The following OR2L13 variants were observed in gnomAD, a reference collection of about 807,000 sequenced individuals.
OR2L13 encodes olfactory receptor 2L13.
In OR2L13, 14 loss-of-function variants were observed where a neutral mutation model predicts 15.3. The observed-to-expected ratio is 0.91, with a 90% CI of 0.60 to 1.43. The LOEUF (loss-of-function observed/expected upper bound fraction) is 1.43, where lower values mean the gene tolerates loss of function less well. Ranked by LOEUF, OR2L13 falls within the 40% of genes most tolerant of loss-of-function variation. The probability of loss-of-function intolerance (pLI) is 0.00; values close to 1 mark genes in which losing one functional copy is unlikely to be tolerated. For synonymous variants in OR2L13, 152 were observed against 142.9 expected (o/e 1.06, Z -0.45); for missense variants, 367 against 387.9 (o/e 0.95, Z 0.45).
At chr1:248,029,566 G>T in the OR2L13 span, among the ~76,000 whole-genome samples, 4 of 151,964 alleles carry the variant, frequency 2.6e-5, no homozygotes, top group Non-Finnish European at 2.9e-5. Context: ...CAAATACAAA[G>T]AACCAGTGTG....
the OR2L13 span, among the ~76,000 whole-genome samples, chr1:247,977,713 G>A: frequency 6.6e-6 from 1 of 152,140 alleles, no homozygotes; most frequent in South Asian, 2.1e-4. Flanking sequence ...CCTAACTACC[G>A]TTAATTGTTT....
chr1:248,004,449 C>CA, the OR2L13 span, among the ~76,000 whole-genome samples: 6 of 152,120 alleles, frequency 3.9e-5, no homozygotes, highest in African/African-American at 1.2e-4. Flanking sequence ...ATGTCTAAAA[C>CA]AAAAAAATAT....
At chr1:248,073,137 A>C in the OR2L13 span, among the ~76,000 whole-genome samples, 1 of 152,010 alleles carries the variant, frequency 6.6e-6, no homozygotes, top group Non-Finnish European at 1.5e-5. Flanking sequence ...TATATACCCA[A>C]AGGACTATAA....
the OR2L13 span, among the ~76,000 whole-genome samples, chr1:247,985,232 C>G: frequency 6.6e-6 from 1 of 152,066 alleles, no homozygotes; most frequent in Admixed American, 6.6e-5. Context: ...AGGTATATCT[C>G]CTAATGCCAT....
chr1:247,975,366 T>C, the OR2L13 span: 3 of 602,002 alleles, frequency 5.0e-6, no homozygotes, highest in Admixed American at 6.4e-5. Flanking sequence ...GTATTGCATG[T>C]TCCTATGGTG....
the OR2L13 span, chr1:247,990,992 C>T: frequency 3.3e-6 from 5 of 1,513,392 alleles, no homozygotes; most frequent in African/African-American, 1.4e-5. Context: ...ACCTGCAGCA[C>T]CCACCTCACT....
At chr1:247,986,137 G>T in the OR2L13 span, among the ~76,000 whole-genome samples, 20 of 152,070 alleles carry the variant, frequency 1.3e-4, no homozygotes, top group East Asian at 5.8e-4. Context: ...GTCAATTTTG[G>T]CTTTTGTTGC....
At chr1:247,977,853 A>G in the OR2L13 span, among the ~76,000 whole-genome samples, 1 of 152,192 alleles carries the variant, frequency 6.6e-6, no homozygotes, top group Admixed American at 6.5e-5. Flanking sequence ...GACTCAGTGC[A>G]GGATGCAGCA....
chr1:247,985,355 C>T, the OR2L13 span, among the ~76,000 whole-genome samples: 23 of 151,898 alleles, frequency 1.5e-4, 1 homozygote, highest in Middle Eastern at 3.4e-3. Flanking sequence ...TGAGAACATG[C>T]GGTGTTTGGT....
At chr1:247,985,795 C>T in the OR2L13 span, among the ~76,000 whole-genome samples, 5,667 of 151,264 alleles carry the variant, frequency 0.037, 349 homozygotes, top group African/African-American at 0.13. Flanking sequence ...TTTTAATGAT[C>T]GCCATTCTAA....
the OR2L13 span, chr1:247,965,753 T>C: frequency 1.3e-6 from 2 of 1,572,234 alleles, no homozygotes; most frequent in Admixed American, 3.6e-5. Flanking sequence ...TATGTAGCTA[T>C]CTGTCACCCT....
the OR2L13 span, among the ~76,000 whole-genome samples, chr1:248,002,950 T>C: frequency 6.6e-6 from 1 of 152,196 alleles, no homozygotes; most frequent in African/African-American, 2.4e-5. Flanking sequence ...GGACCTCTGA[T>C]AGAATTCAGC....
the OR2L13 span, among the ~76,000 whole-genome samples, chr1:247,960,573 T>C: frequency 6.6e-6 from 1 of 152,214 alleles, no homozygotes; most frequent in African/African-American, 2.4e-5. Flanking sequence ...CTCCTTGAGC[T>C]GCGGTGGGCT....
chr1:247,990,106 T>C, the OR2L13 span: 22 of 222,352 alleles, frequency 9.9e-5, no homozygotes, highest in African/African-American at 4.6e-4. Flanking sequence ...CTTTATAATA[T>C]ATATTTATTG....
the OR2L13 span, among the ~76,000 whole-genome samples, chr1:248,034,663 T>C: frequency 6.6e-6 from 1 of 152,236 alleles, no homozygotes; most frequent in Non-Finnish European, 1.5e-5. Context: ...CAGCATTTTG[T>C]CATTTTTCAA....
At chr1:247,967,443 G>T in the OR2L13 span, among the ~76,000 whole-genome samples, 1 of 152,050 alleles carries the variant, frequency 6.6e-6, no homozygotes, top group Non-Finnish European at 1.5e-5. Context: ...TGCTCAGGCT[G>T]GTTTCGAACT....
the OR2L13 span, among the ~76,000 whole-genome samples, chr1:248,001,101 G>A: frequency 6.6e-6 from 1 of 152,080 alleles, no homozygotes; most frequent in Non-Finnish European, 1.5e-5. Context: ...GTTTGTGTGT[G>A]TGTACATACA....
chr1:248,090,155 T>C, the OR2L13 span, among the ~76,000 whole-genome samples: 1 of 152,148 alleles, frequency 6.6e-6, no homozygotes, highest in African/African-American at 2.4e-5. Flanking sequence ...GCAATCCCCA[T>C]GTCAGCATTT....
chr1:248,093,477 T>C (rs1304289882), upstream of OR2L13, among the ~76,000 whole-genome samples: 1 of 152,142 alleles, frequency 6.6e-6, no homozygotes, highest in Non-Finnish European at 1.5e-5. Context: ...CAGCACCACA[T>C]TGCAGCAGGG....
Sources: gnomAD v4.1 joint callset for allele counts (sites outside exome capture counted in the v4.1 genomes callset) on GRCh38, gnomAD v4.1.1 for gene constraint, MANE v1.5 for transcripts, NCBI Gene and HGNC (gene_info 2026-07-23, HGNC 2026-07-21) for gene names.